FGGY: variants seen among roughly 807,000 people sequenced by gnomAD.
FGGY encodes FGGY carbohydrate kinase domain-containing protein.
A neutral mutation model predicts 71.3 loss-of-function variants in FGGY; 72 were observed. The observed-to-expected ratio is 1.01, with a 90% CI of 0.84 to 1.23. The LOEUF is 1.23. Among genes scored for constraint, FGGY ranks in the 50% most tolerant of loss-of-function variants. The probability of loss-of-function intolerance (pLI) is 0.00; values close to 1 mark genes in which losing one functional copy is unlikely to be tolerated. For synonymous variants in FGGY, 251 were observed against 250.3 expected, an observed-to-expected ratio of 1.00 and a Z score of -0.02; for missense variants, 668 against 682.3, an observed-to-expected ratio of 0.98 and a Z score of 0.23.
intron 2 of FGGY, among the ~76,000 whole-genome samples, chr1:59,332,473 A>G (rs1376823531): frequency 6.6e-6 from 1 of 152,000 alleles, no homozygotes; most frequent in Non-Finnish European, 1.5e-5. Context: ...GATGGTTTAG[A>G]TGGTGTGGGG....
At chr1:59,502,290 G>T (rs892936690) in intron 6 of FGGY, among the ~76,000 whole-genome samples, 4 of 152,144 alleles carry the variant, frequency 2.6e-5, no homozygotes, top group Admixed American at 1.3e-4. Context: ...ATTAGAAGAG[G>T]GAAGCACAAG....
At chr1:59,634,578 A>G (rs1416507317) in intron 10 of FGGY, among the ~76,000 whole-genome samples, 2 of 152,136 alleles carry the variant, frequency 1.3e-5, no homozygotes, top group African/African-American at 2.4e-5. Flanking sequence ...CTGTGAACCC[A>G]TAGAATTAGG....
intron 4 of FGGY, among the ~76,000 whole-genome samples, chr1:59,369,226 G>A (rs1364854503): frequency 3.9e-5 from 6 of 152,182 alleles, no homozygotes; most frequent in Non-Finnish European, 7.3e-5. Context: ...GCGCTTTTCC[G>A]ACGGGCTTAA....
At chr1:59,354,802 T>TTTCTGG (rs1295785021) in intron 4 of FGGY, among the ~76,000 whole-genome samples, 5 of 152,164 alleles carry the variant, frequency 3.3e-5, no homozygotes, top group Non-Finnish European at 5.9e-5. Context: ...GTAATTTTGT[T>TTTCTGG]TTCTGGAAAA....
At chr1:59,477,684 G>GA (rs774901252) in intron 6 of FGGY, among the ~76,000 whole-genome samples, 1 of 152,036 alleles carries the variant, frequency 6.6e-6, no homozygotes, top group Admixed American at 6.6e-5. Flanking sequence ...TATGAGGGGG[G>GA]AAAAACCCAC....
chr1:59,707,212 T>G (rs1402178062), intron 14 of FGGY, among the ~76,000 whole-genome samples: 2 of 152,224 alleles, frequency 1.3e-5, no homozygotes, highest in Non-Finnish European at 2.9e-5. Context: ...ATAGGTACTA[T>G]TATTTCCAGT....
chr1:59,575,364 T>C (rs2096060783), intron 8 of FGGY, among the ~76,000 whole-genome samples: 1 of 152,206 alleles, frequency 6.6e-6, no homozygotes, highest in African/African-American at 2.4e-5. Flanking sequence ...GCAGTATTTA[T>C]CCCTCTGTGT....
intron 7 of FGGY, among the ~76,000 whole-genome samples, chr1:59,538,857 AG>A (rs1228833802): frequency 1.7e-5 from 1 of 59,968 alleles, no homozygotes; most frequent in East Asian, 6.2e-4. Flanking sequence ...GGGTGGGGGG[AG>A]GGGGGAGGGA....
At chr1:59,437,592 A>G (rs1347778352) in intron 5 of FGGY, among the ~76,000 whole-genome samples, 1 of 152,226 alleles carries the variant, frequency 6.6e-6, no homozygotes, top group East Asian at 1.9e-4. Flanking sequence ...CTTAACTCAT[A>G]TTAACACTGA....
chr1:59,497,219 A>C (rs916314328), intron 6 of FGGY, among the ~76,000 whole-genome samples: 1 of 152,218 alleles, frequency 6.6e-6, no homozygotes, highest in African/African-American at 2.4e-5. Flanking sequence ...TAGATTTACA[A>C]ATTTCCAGCA....
chr1:59,578,844 C>T (rs1217390280), intron 8 of FGGY, among the ~76,000 whole-genome samples: 2 of 152,098 alleles, frequency 1.3e-5, no homozygotes, highest in South Asian at 2.1e-4. Context: ...TCTGTCTCTA[C>T]GTAATCATGT....
intron 4 of FGGY, among the ~76,000 whole-genome samples, chr1:59,376,974 A>G (rs1192777590): frequency 6.6e-6 from 1 of 152,226 alleles, no homozygotes; most frequent in Non-Finnish European, 1.5e-5. Context: ...TCATAGGCAG[A>G]AGTGAAATGG....
At chr1:59,668,175 C>T (rs1054499874) in intron 13 of FGGY, among the ~76,000 whole-genome samples, 3 of 152,158 alleles carry the variant, frequency 2.0e-5, no homozygotes, top group African/African-American at 7.2e-5. Context: ...CCCTAGGACC[C>T]AAGGAAGGGG....
At chr1:59,613,723 A>C (rs2096717391) in intron 9 of FGGY, among the ~76,000 whole-genome samples, 1 of 152,200 alleles carries the variant, frequency 6.6e-6, no homozygotes, top group African/African-American at 2.4e-5. Context: ...GTTTTTTGAA[A>C]AGATCAACAA....
At chr1:59,713,606 G>C (rs1028885466) in intron 14 of FGGY, among the ~76,000 whole-genome samples, 1 of 152,104 alleles carries the variant, frequency 6.6e-6, no homozygotes, top group South Asian at 2.1e-4. Context: ...TCTCCTTTTG[G>C]TTATGAAATA....
intron 14 of FGGY, among the ~76,000 whole-genome samples, chr1:59,702,537 A>C (rs961546565): frequency 2.0e-5 from 3 of 152,146 alleles, no homozygotes; most frequent in African/African-American, 7.2e-5. Context: ...GGGGTAAACA[A>C]ATGAGTGAAA....
Position 59,713,929 on chromosome 1 carries a change from G to A in FGGY, c.1512+39796G>A, listed in dbSNP as rs145756100. ...CATCTGGTAGAATCTTTCAGAAGAA[G>A]CAACACAGAATAGAGGCATTAAAAT... is the stretch of plus-strand genomic sequence containing the variant. On this transcript the variant is annotated intron_variant, in intron 14 of 15. Coordinates refer to ENST00000303721, the MANE Select transcript of FGGY (RefSeq NM_018291.5). Among the ~76,000 whole-genome samples the A allele has an allele frequency of 1.2e-3, 177 of 152,312 alleles. 3 individuals carry two copies. The highest frequency in any genetic ancestry group is 1.0e-4 in the Non-Finnish European group (7 of 68,022).
chr1:59,662,046 C>T (rs148913279), intron 12 of FGGY, among the ~76,000 whole-genome samples: 1,676 of 143,220 alleles, frequency 0.012, 21 homozygotes, highest in Middle Eastern at 0.021. Flanking sequence ...ATAGGCCAGG[C>T]GCGGTGACTC....
intron 6 of FGGY, among the ~76,000 whole-genome samples, chr1:59,494,314 G>A (rs1485625479): frequency 6.6e-6 from 1 of 152,204 alleles, no homozygotes; most frequent in Non-Finnish European, 1.5e-5. Context: ...GGAGACTTCA[G>A]AGTTGTGACA....
Sources: allele counts gnomAD v4.1 joint callset (sites outside exome capture counted in the v4.1 genomes callset), GRCh38; gene constraint gnomAD v4.1.1; transcripts MANE v1.5; gene names NCBI Gene and HGNC (gene_info 2026-07-23, HGNC 2026-07-21).